The following TNNI3K variants were observed in gnomAD, a reference collection of about 807,000 sequenced individuals.
TNNI3K encodes the protein serine/threonine-protein kinase TNNI3K.
In TNNI3K, 140 loss-of-function variants were observed where a neutral mutation model predicts 114.5. The observed-to-expected ratio is 1.22, with a 90% CI of 1.07 to 1.41. The LOEUF is 1.41. Among genes scored for constraint, TNNI3K ranks in the 40% most tolerant of loss-of-function variants. TNNI3K has a pLI of 0.00. For synonymous variants in TNNI3K, 347 were observed against 347.5 expected, an observed-to-expected ratio of 1.00 and a Z score of 0.02; for missense variants, 1,125 against 1,007.6, an observed-to-expected ratio of 1.12 and a Z score of -1.58.
intron 2 of TNNI3K, among the ~76,000 whole-genome samples, chr1:74,242,793 AT>A (rs1179380476): frequency 6.6e-6 from 1 of 152,110 alleles, no homozygotes; most frequent in Non-Finnish European, 1.5e-5. Context: ...AAGAACCATA[AT>A]TTTACAGGAA....
chr1:74,324,734 A>T (rs1001030026), intron 5 of TNNI3K, among the ~76,000 whole-genome samples: 1 of 152,156 alleles, frequency 6.6e-6, no homozygotes. Flanking sequence ...TAAAGCTTTT[A>T]TTGGGTTCCA....
chr1:74,365,806 A>C (rs1662238872), intron 11 of TNNI3K, among the ~76,000 whole-genome samples: 2 of 152,196 alleles, frequency 1.3e-5, no homozygotes, highest in South Asian at 4.1e-4. Context: ...ACGTTATTTC[A>C]TTATAACTTA....
rs1178649528 is a variant in TNNI3K, at chr1:74,242,682, CA to C, written c.149+6480del. ...AACAAAAAATAAGAATCGTCAACAA[CA>C]AAAAAAACCCTCAAATCCAAAAGGA... On this transcript the variant is annotated intron_variant, in intron 2 of 24. Coordinates refer to ENST00000326637, the MANE Select transcript of TNNI3K (RefSeq NM_015978.3). Among the ~76,000 whole-genome samples, 6 of 151,818 alleles carry C rather than the reference CA, an allele frequency of 4.0e-5. 1 individual carries two copies. In the South Asian group the frequency reaches 6.2e-4, roughly 16 times the overall value.
At position 74,241,870 on chromosome 1, in the gene TNNI3K, G is replaced by C. The variant is rs12027559; in HGVS notation, c.149+5660G>C. ...CTTTTCCTTTTTTTTTTTTTTTTCA[G>C]ACGGAGTCTCGCTCTGTCGCCCAGG... On this transcript the variant is annotated intron_variant, in intron 2 of 24. Transcript: ENST00000326637. Among the ~76,000 whole-genome samples the C allele has an allele frequency of 2.0e-3, 274 of 134,562 alleles. 6 individuals carry two copies. In the East Asian group the frequency reaches 0.042, roughly 21 times the overall value. 88.3% of individuals were successfully genotyped at this position (134,562 alleles called of 152,430 possible).
intron 4 of TNNI3K, among the ~76,000 whole-genome samples, chr1:74,266,526 A>G (rs945753821): frequency 1.3e-4 from 20 of 152,038 alleles, no homozygotes; most frequent in Non-Finnish European, 8.8e-5. Context: ...TGGGTTGAGT[A>G]TAGATGAATG....
chr1:74,254,958 G>T (rs1007896342), intron 4 of TNNI3K, among the ~76,000 whole-genome samples: 4 of 152,094 alleles, frequency 2.6e-5, no homozygotes, highest in African/African-American at 9.7e-5. Context: ...TATTTTGCAA[G>T]AATCGATATT....
intron 5 of TNNI3K, among the ~76,000 whole-genome samples, chr1:74,317,314 A>G (rs1336016023): frequency 6.6e-6 from 1 of 152,214 alleles, no homozygotes; most frequent in Non-Finnish European, 1.5e-5. Context: ...AATAATAATT[A>G]TAGTATTAGC....
chr1:74,257,663 CTT>C (rs66853287), intron 4 of TNNI3K, among the ~76,000 whole-genome samples: 22 of 87,278 alleles, frequency 2.5e-4, no homozygotes, highest in East Asian at 1.2e-3. Flanking sequence ...TGGCTTACCT[CTT>C]TTTTTTTTTT....
intron 4 of TNNI3K, among the ~76,000 whole-genome samples, chr1:74,259,478 T>A (rs1274988841): frequency 6.6e-6 from 1 of 152,186 alleles, no homozygotes; most frequent in African/African-American, 2.4e-5. Flanking sequence ...ATCTTCTTTT[T>A]CAGTCTACTA....
chr1:74,471,689 A>C, intron 21 of TNNI3K: 2 of 401,322 alleles, frequency 5.0e-6, no homozygotes, highest in Non-Finnish European at 8.8e-6. Flanking sequence ...ATTTCTACTA[A>C]ATCAGGATCA....
intron 5 of TNNI3K, among the ~76,000 whole-genome samples, chr1:74,305,662 A>G (rs768199344): frequency 6.6e-6 from 1 of 152,178 alleles, no homozygotes; most frequent in Non-Finnish European, 1.5e-5. Context: ...GCCCAACAGT[A>G]TTCCCAGAAG....
chr1:74,381,436 A>G (rs1473269189), intron 17 of TNNI3K, among the ~76,000 whole-genome samples: 2 of 152,136 alleles, frequency 1.3e-5, no homozygotes, highest in Non-Finnish European at 2.9e-5. Context: ...TTTCACTATT[A>G]AATTTTCTTG....
intron 5 of TNNI3K, among the ~76,000 whole-genome samples, chr1:74,307,033 G>A (rs971281058): frequency 2.6e-5 from 4 of 152,090 alleles, no homozygotes; most frequent in Non-Finnish European, 5.9e-5. Context: ...ATTAAGTTTT[G>A]TATGCAGTGA....
chr1:74,513,372 C>T (rs545172030), intron 23 of TNNI3K, among the ~76,000 whole-genome samples: 1 of 152,314 alleles, frequency 6.6e-6, no homozygotes, highest in East Asian at 1.9e-4. Flanking sequence ...TGCAGGGGCA[C>T]TGGTAGTAGG....
At chr1:74,477,212 G>A (rs921478781) in intron 21 of TNNI3K, among the ~76,000 whole-genome samples, 2 of 151,876 alleles carry the variant, frequency 1.3e-5, no homozygotes, top group Non-Finnish European at 2.9e-5. Context: ...AACTCATATG[G>A]GTAAGAAAAC....
At chr1:74,316,542 T>C (rs1383703689) in intron 5 of TNNI3K, among the ~76,000 whole-genome samples, 2 of 152,138 alleles carry the variant, frequency 1.3e-5, no homozygotes, top group Non-Finnish European at 2.9e-5. Context: ...ACTTTTCTTC[T>C]TTCTCAGTTA....
chr1:74,366,699 G>A (rs1027786089), intron 11 of TNNI3K: 1 of 151,920 alleles, frequency 6.6e-6, no homozygotes, highest in Non-Finnish European at 1.5e-5. Context: ...TCACTGGGTG[G>A]GCAGCCATTC....
intron 17 of TNNI3K, chr1:74,418,304 A>C (rs995667089): frequency 8.6e-6 from 3 of 350,186 alleles, no homozygotes; most frequent in African/African-American, 6.6e-5. Flanking sequence ...CATCAGCCAT[A>C]GAAGCCTGCC....
At chr1:74,242,521 T>A (rs1156431172) in intron 2 of TNNI3K, among the ~76,000 whole-genome samples, 1 of 152,196 alleles carries the variant, frequency 6.6e-6, no homozygotes, top group African/African-American at 2.4e-5. Context: ...TTCAAGCTGA[T>A]CTTATTTAAG....
Sources: gnomAD v4.1 joint callset for allele counts (sites outside exome capture counted in the v4.1 genomes callset) on GRCh38, gnomAD v4.1.1 for gene constraint, MANE v1.5 for transcripts, NCBI Gene and HGNC (gene_info 2026-07-23, HGNC 2026-07-21) for gene names.